The following PHKB variants were observed in gnomAD, a reference collection of about 807,000 sequenced individuals.
PHKB encodes phosphorylase kinase regulatory subunit beta, also known as phosphorylase b kinase regulatory subunit beta.
PHKB carries 122 observed loss-of-function variants against 152.1 expected under a neutral mutation model. The ratio of observed to expected loss-of-function variants is 0.80; its 90% CI spans 0.69 to 0.93. The LOEUF is 0.93. Among genes scored for constraint, PHKB ranks in the 40% least tolerant of loss-of-function variants. PHKB has a pLI of 0.00. For missense variants in PHKB, 1,304 were observed against 1,328.4 expected (o/e 0.98, Z 0.29); for synonymous variants, 436 against 464.9 (o/e 0.94, Z 0.80).
chr16:47,629,922 T>G (rs1369613868), intron 14 of PHKB, among the ~76,000 whole-genome samples: 6 of 146,404 alleles, frequency 4.1e-5, no homozygotes, highest in Admixed American at 7.1e-5. Context: ...ACTATCGCAA[T>G]AACAAAAAAC....
At chr16:47,599,673 A>T (rs952775426) in intron 13 of PHKB, among the ~76,000 whole-genome samples, 1 of 152,240 alleles carries the variant, frequency 6.6e-6, no homozygotes, top group Non-Finnish European at 1.5e-5. Flanking sequence ...AAAGAAAGTC[A>T]GTTTCTCTTT....
chr16:47,652,240 A>AT (rs2151732360), intron 20 of PHKB, among the ~76,000 whole-genome samples: 1 of 151,804 alleles, frequency 6.6e-6, no homozygotes, highest in Non-Finnish European at 1.5e-5. Flanking sequence ...TTCAGCTTTT[A>AT]TTTTTGATTC....
In PHKB at chr16:47,589,046, TATAGAAC is replaced by T. The variant is rs1233957392; in HGVS notation, c.1015_1021del (p.Arg339HisfsTer32). The T allele has an allele frequency of 6.2e-7, 1 of 1,613,542 alleles. No homozygotes were observed. Among genetic ancestry groups the T allele is most frequent in the Admixed American group, 1.7e-5 (1 of 59,990 alleles). On this transcript the variant is annotated frameshift_variant, in exon 10 of 31. Coordinates refer to ENST00000323584, the MANE Select transcript of PHKB (RefSeq NM_000293.3). LOFTEE classifies it high-confidence loss of function. ...ATTTAAACGTTTCTTGAGAGATGGG[TATAGAAC>T]ATCATTGGAAGATCCCAACAGATGC...
At chr16:47,462,616 A>G (rs865998562) in intron 1 of PHKB, 39 of 152,204 alleles carry the variant, frequency 2.6e-4, no homozygotes, top group Admixed American at 7.2e-4. Flanking sequence ...CGTGGGCGAC[A>G]GAGTGAGACT....
intron 6 of PHKB, 51 bp downstream of exon 6, chr16:47,515,652 T>C: frequency 1.2e-6 from 1 of 808,014 alleles, no homozygotes; most frequent in Non-Finnish European, 2.2e-6. Flanking sequence ...TGAAAATATC[T>C]ATTTTTTTTT....
chr16:47,580,199 A>T, intron 7 of PHKB, 96 bp from the exon 8 acceptor site: 1 of 873,352 alleles, frequency 1.1e-6, no homozygotes, highest in Non-Finnish European at 1.9e-6. Flanking sequence ...TATAAATGTT[A>T]ATAAAGAAAT....
At chr16:47,558,699 C>T (rs190843634) in intron 7 of PHKB, among the ~76,000 whole-genome samples, 1 of 152,304 alleles carries the variant, frequency 6.6e-6, no homozygotes, top group Admixed American at 6.5e-5. Context: ...CAGGCATGTG[C>T]TACCAAGCCT....
intron 23 of PHKB, among the ~76,000 whole-genome samples, chr16:47,663,358 T>C (rs1245662100): frequency 6.6e-6 from 1 of 152,208 alleles, no homozygotes; most frequent in Non-Finnish European, 1.5e-5. Context: ...CTATATTCTC[T>C]TTTCTTCTTT....
chr16:47,557,183 T>G (rs904082964), intron 7 of PHKB, among the ~76,000 whole-genome samples: 2 of 152,196 alleles, frequency 1.3e-5, no homozygotes, highest in Admixed American at 6.5e-5. Context: ...TAGCCATATG[T>G]AGAAATCTGA....
rs763764574 is a variant in PHKB at position 47,699,350 on chromosome 16, C to T, written c.3266C>T (p.Pro1089Leu). The T allele has an allele frequency of 1.2e-5, 19 of 1,614,016 alleles. No homozygotes were observed. Among genetic ancestry groups the T allele is most frequent in the South Asian group, 3.3e-5 (3 of 91,086 alleles). Reference protein sequence around the residue: ...EGEVKPNNDDPCLIS With the variant: ...EGEVKPNNDDLCLIS ...GAAGTCAAGCCAAACAATGATGACC[C>T]GTGTCTGATTAGCTAGTGGGGAAGG... The change falls in exon 31 of 31, where the codon CCG becomes CTG. Residue 1089 changes from proline to leucine, a missense_variant. Coordinates refer to ENST00000323584, the MANE Select transcript of PHKB (RefSeq NM_000293.3).
At chr16:47,655,548 G>A (rs1017082693) in intron 20 of PHKB, among the ~76,000 whole-genome samples, 3 of 152,194 alleles carry the variant, frequency 2.0e-5, no homozygotes, top group East Asian at 1.9e-4. Flanking sequence ...AAAGTGTGGT[G>A]ATTTTCTCTC....
intron 7 of PHKB, among the ~76,000 whole-genome samples, chr16:47,575,034 G>C (rs889332204): frequency 3.3e-5 from 5 of 152,138 alleles, no homozygotes; most frequent in African/African-American, 1.2e-4. Flanking sequence ...CCATCAAGTA[G>C]AGTTAGCTGT....
At chr16:47,532,628 G>A (rs1322803802) in intron 6 of PHKB, among the ~76,000 whole-genome samples, 1 of 152,248 alleles carries the variant, frequency 6.6e-6, no homozygotes, top group African/African-American at 2.4e-5. Context: ...CTGTGAGGCT[G>A]CAGCTGGACC....
chr16:47,563,934 C>T (rs1210205035), intron 7 of PHKB, among the ~76,000 whole-genome samples: 1 of 150,830 alleles, frequency 6.6e-6, no homozygotes, highest in Non-Finnish European at 1.5e-5. Context: ...TCCTGAGATA[C>T]TTCACCTAGG....
chr16:47,571,655 A>G (rs1349702465), intron 7 of PHKB, among the ~76,000 whole-genome samples: 4 of 152,144 alleles, frequency 2.6e-5, no homozygotes, highest in Admixed American at 1.3e-4. Flanking sequence ...AAGGTCCTCC[A>G]TAGGTCTACT....
chr16:47,549,836 G>A (rs1445622525), intron 7 of PHKB, among the ~76,000 whole-genome samples: 1 of 152,286 alleles, frequency 6.6e-6, no homozygotes, highest in Admixed American at 6.5e-5. Context: ...TATAACTGAG[G>A]TGGCAGTCTT....
At chr16:47,624,094 A>C (rs1972667027) in intron 14 of PHKB, among the ~76,000 whole-genome samples, 1 of 152,208 alleles carries the variant, frequency 6.6e-6, no homozygotes, top group Non-Finnish European at 1.5e-5. Flanking sequence ...AAACTTTACG[A>C]ATCTCCATGA....
At chr16:47,566,024 C>A in intron 7 of PHKB, 1 of 694,240 alleles carries the variant, frequency 1.4e-6, no homozygotes, top group African/African-American at 1.8e-5. Flanking sequence ...CATCACAGTC[C>A]TCACCTCCTC....
intron 8 of PHKB, among the ~76,000 whole-genome samples, chr16:47,581,211 C>G (rs374044985): frequency 6.6e-5 from 10 of 152,152 alleles, no homozygotes; most frequent in Non-Finnish European, 1.5e-4. Context: ...CTACTCAAGT[C>G]TTGAATTTAA....
Sources: allele counts gnomAD v4.1 joint callset (sites outside exome capture counted in the v4.1 genomes callset), GRCh38; gene constraint gnomAD v4.1.1; transcripts MANE v1.5; gene names NCBI Gene and HGNC (gene_info 2026-07-23, HGNC 2026-07-21).